The following TBL1X variants were observed in gnomAD, a reference collection of about 807,000 sequenced individuals.
TBL1X encodes the protein transducin beta like 1 X-linked.
A neutral mutation model predicts 50.7 loss-of-function variants in TBL1X; 10 were observed. The observed-to-expected ratio is 0.20, with a 90% CI of 0.12 to 0.33. The LOEUF is 0.33. Ranked by LOEUF, TBL1X falls within the 10% of genes least tolerant of loss-of-function variation. The probability of loss-of-function intolerance (pLI) is 1.00; values close to 1 mark genes in which losing one functional copy is unlikely to be tolerated. For missense variants in TBL1X, 340 were observed against 504.4 expected (o/e 0.67, Z 3.12); for synonymous variants, 190 against 214.7 (o/e 0.88, Z 1.01).
At chrX:9,636,485 AAACAACAACAACAACAAC>A (rs60010378) in intron 2 of TBL1X, 15 of 101,554 alleles carry the variant, frequency 1.5e-4, no homozygotes, top group Non-Finnish European at 2.2e-4. Context: ...AAACAAAGCA[AAACAACAACAACAACAAC>A]AACAACAACA....
At chrX:9,630,257 C>T (rs1377776564) in intron 2 of TBL1X, among the ~76,000 whole-genome samples, 1 of 111,779 alleles carries the variant, frequency 8.9e-6, no homozygotes, top group African/African-American at 3.3e-5. Context: ...CTCGATGTTT[C>T]GTTTCTTTTT....
At chrX:9,649,138 G>A (rs999003136) in intron 3 of TBL1X, among the ~76,000 whole-genome samples, 1 of 112,076 alleles carries the variant, frequency 8.9e-6, no homozygotes, top group African/African-American at 3.2e-5. Flanking sequence ...ATTAAATACA[G>A]CTGTTAGGGT....
At chrX:9,610,457 C>T (rs948157743) in intron 2 of TBL1X, among the ~76,000 whole-genome samples, 1 of 112,583 alleles carries the variant, frequency 8.9e-6, no homozygotes, top group Non-Finnish European at 1.9e-5. Context: ...CTGTGTGTGA[C>T]ATCTGTTGTA....
chrX:9,680,387 C>G (rs2083018624), intron 5 of TBL1X, among the ~76,000 whole-genome samples: 1 of 112,283 alleles, frequency 8.9e-6, no homozygotes, highest in South Asian at 3.7e-4. Flanking sequence ...TCCTCTCCAT[C>G]AAATGTGTTG....
At chrX:9,585,891 G>A (rs181160734) in intron 2 of TBL1X, among the ~76,000 whole-genome samples, 82 of 111,931 alleles carry the variant, frequency 7.3e-4, no homozygotes, top group Non-Finnish European at 1.4e-3. Context: ...AGTTGAACCC[G>A]TAGCAGTACT....
At chrX:9,597,971 A>G (rs1307063189) in intron 2 of TBL1X, among the ~76,000 whole-genome samples, 1 of 112,381 alleles carries the variant, frequency 8.9e-6, no homozygotes, top group East Asian at 2.8e-4. Context: ...GGATGTATTT[A>G]AGTTCCAACC....
chrX:9,581,542 G>C (rs1250769049), intron 2 of TBL1X, among the ~76,000 whole-genome samples: 1 of 111,913 alleles, frequency 8.9e-6, no homozygotes, highest in African/African-American at 3.3e-5. Context: ...CTCAGTAGCT[G>C]TGTGGGGGAT....
rs148271663 is a variant in TBL1X, at chrX:9,562,160, A to G, written c.-131+60311A>G. Among the ~76,000 whole-genome samples, 167 of 112,216 alleles carry G rather than the reference A, an allele frequency of 1.5e-3. 2 individuals are homozygous for G. The highest frequency in any genetic ancestry group is 5.2e-3 in the African/African-American group (162 of 30,906). On this transcript the variant is annotated intron_variant, in intron 2 of 17. Transcript: ENST00000645353. ...AACTGATTGGTATTACGTGAGGATT[A>G]TCTTCATAAAGTTCAGAGTTGTATC...
intron 1 of TBL1X, among the ~76,000 whole-genome samples, chrX:9,472,239 A>G (rs964056382): frequency 2.8e-5 from 3 of 107,326 alleles, no homozygotes; most frequent in African/African-American, 6.8e-5. Flanking sequence ...CTTATTGTAC[A>G]TGGTGCCATT....
intron 16 of TBL1X, among the ~76,000 whole-genome samples, chrX:9,713,538 C>G (rs1352165052): frequency 4.7e-5 from 5 of 105,380 alleles, no homozygotes; most frequent in Admixed American, 1.0e-4. Flanking sequence ...AGCGATTCTC[C>G]TGCCTCAGCC....
At chrX:9,682,713 A>G (rs1029665744) in intron 5 of TBL1X, among the ~76,000 whole-genome samples, 2 of 112,025 alleles carry the variant, frequency 1.8e-5, no homozygotes, top group African/African-American at 6.5e-5. Flanking sequence ...ACTGCCCCTC[A>G]TTGGCTGAAT....
chrX:9,639,295 A>G (rs1017203108), intron 2 of TBL1X, among the ~76,000 whole-genome samples: 1 of 110,974 alleles, frequency 9.0e-6, no homozygotes, highest in African/African-American at 3.3e-5. Context: ...TCATAGCTTC[A>G]CTTGTGGACT....
intron 1 of TBL1X, among the ~76,000 whole-genome samples, chrX:9,475,787 GT>G (rs1405767859): frequency 9.0e-6 from 1 of 111,530 alleles, no homozygotes. Context: ...CCAGTTTTTA[GT>G]TTGTTTAACT....
chrX:9,698,106 G>A (rs555044533), intron 12 of TBL1X, among the ~76,000 whole-genome samples: 5 of 111,068 alleles, frequency 4.5e-5, no homozygotes, highest in African/African-American at 1.3e-4. Flanking sequence ...AACTGAATGC[G>A]CCGAGTATGG....
intron 5 of TBL1X, among the ~76,000 whole-genome samples, chrX:9,673,051 G>A (rs2082969826): frequency 1.8e-5 from 2 of 111,669 alleles, no homozygotes; most frequent in African/African-American, 3.3e-5. Flanking sequence ...GGGGTCTCTT[G>A]TATAAGGACA....
intron 2 of TBL1X, among the ~76,000 whole-genome samples, chrX:9,600,311 A>G (rs1326950616): frequency 9.2e-6 from 1 of 109,131 alleles, no homozygotes; most frequent in Non-Finnish European, 1.9e-5. Flanking sequence ...CTGTGTTCTC[A>G]CATGGTGGAA....
intron 2 of TBL1X, among the ~76,000 whole-genome samples, chrX:9,601,670 C>T (rs958080436): frequency 1.4e-4 from 16 of 111,606 alleles, no homozygotes; most frequent in African/African-American, 4.6e-4. Context: ...CCCAGGTGGG[C>T]AGGAAGGAAT....
intron 5 of TBL1X, among the ~76,000 whole-genome samples, chrX:9,682,446 A>G (rs1017160190): frequency 1.8e-5 from 2 of 112,265 alleles, no homozygotes; most frequent in Non-Finnish European, 3.8e-5. Context: ...ACTCTGTTAG[A>G]TAAATCTCAA....
At chrX:9,472,173 C>T (rs1260569830) in intron 1 of TBL1X, among the ~76,000 whole-genome samples, 2 of 112,115 alleles carry the variant, frequency 1.8e-5, no homozygotes, top group Non-Finnish European at 3.8e-5. Context: ...TTCAGTGCTG[C>T]GAGCATTTTT....
Sources: allele counts gnomAD v4.1 joint callset (sites outside exome capture counted in the v4.1 genomes callset), GRCh38; gene constraint gnomAD v4.1.1; transcripts MANE v1.5; gene names NCBI Gene and HGNC (gene_info 2026-07-23, HGNC 2026-07-21).